PIK3CB: variants seen among roughly 807,000 people sequenced by gnomAD.
PIK3CB encodes the protein phosphatidylinositol-4,5-bisphosphate 3-kinase catalytic subunit beta.
A neutral mutation model predicts 136.8 loss-of-function variants in PIK3CB; 39 were observed. The ratio of observed to expected loss-of-function variants is 0.29; its 90% CI spans 0.22 to 0.37. The LOEUF (loss-of-function observed/expected upper bound fraction) is 0.37, where lower values mean the gene tolerates loss of function less well. Ranked by LOEUF, PIK3CB falls within the 10% of genes least tolerant of loss-of-function variation. PIK3CB has a pLI of 1.00. For missense variants in PIK3CB, 868 were observed against 1,275.4 expected (o/e 0.68, Z 4.87); for synonymous variants, 428 against 436.6 (o/e 0.98, Z 0.25).
At chr3:138,745,861 C>T (rs969138055) in intron 4 of PIK3CB, among the ~76,000 whole-genome samples, 4 of 152,170 alleles carry the variant, frequency 2.6e-5, no homozygotes, top group Non-Finnish European at 5.9e-5. Flanking sequence ...GTTAGCCTTC[C>T]TGTCTTAAAT....
chr3:138,684,916 A>C (rs2043852531), intron 16 of PIK3CB, 113 bp from the exon 17 acceptor site: 3 of 610,976 alleles, frequency 4.9e-6, no homozygotes, highest in Non-Finnish European at 8.1e-6. Flanking sequence ...AACCATAAAC[A>C]CACATAACCA....
At chr3:138,801,885 TAAA>T (rs1428289202) in intron 1 of PIK3CB, among the ~76,000 whole-genome samples, 56 of 111,228 alleles carry the variant, frequency 5.0e-4, no homozygotes, top group African/African-American at 1.8e-3. Context: ...AAAAAAAAGA[TAAA>T]GAAAAAAATT....
At chr3:138,809,601 T>A in intron 1 of PIK3CB, among the ~76,000 whole-genome samples, 1 of 83,966 alleles carries the variant, frequency 1.2e-5, no homozygotes. Flanking sequence ...AGCGAGACTT[T>A]GCCTCAAAAA....
chr3:138,712,363 G>T, intron 9 of PIK3CB, 59 bp from the exon 10 acceptor site: 1 of 678,116 alleles, frequency 1.5e-6, no homozygotes. Flanking sequence ...GTGTAAACAT[G>T]CACATGTCCT....
rs917919715 is a variant in PIK3CB, at chr3:138,834,271, G to A, written c.-122+424C>T. 3.9e-5 allele frequency among the ~76,000 whole-genome samples: 6 copies of A among 152,348 alleles called. No individual in the cohort carries two copies. In the East Asian group the frequency reaches 9.7e-4, roughly 25 times the overall value. ...CATGTCCATAACCTAATAACCCTGGGTCCACGCCTCTGAAATACACTTCTG... is the reference window on the plus strand; with the variant it reads ...CATGTCCATAACCTAATAACCCTGGATCCACGCCTCTGAAATACACTTCTG... On this transcript the variant is annotated intron_variant, in intron 1 of 23. Transcript: ENST00000674063.
intron 2 of PIK3CB, among the ~76,000 whole-genome samples, chr3:138,772,606 C>T (rs1464369341): frequency 6.6e-6 from 1 of 150,808 alleles, no homozygotes; most frequent in African/African-American, 2.4e-5. Flanking sequence ...TGTAAGCACA[C>T]ACCACCACAC....
chr3:138,737,551 T>C (rs2108653756), intron 6 of PIK3CB, among the ~76,000 whole-genome samples, 156 bp downstream of exon 6: 1 of 151,084 alleles, frequency 6.6e-6, no homozygotes. Context: ...CAGAGGTAAG[T>C]ACTATTATGA....
intron 1 of PIK3CB, among the ~76,000 whole-genome samples, chr3:138,806,679 C>A (rs1051523355): frequency 2.6e-5 from 4 of 152,136 alleles, no homozygotes; most frequent in African/African-American, 9.7e-5. Flanking sequence ...AAGAGACCAA[C>A]AGAATGTAAA....
intron 2 of PIK3CB, among the ~76,000 whole-genome samples, chr3:138,782,827 C>T (rs745599020): frequency 7.9e-5 from 12 of 152,278 alleles, no homozygotes; most frequent in East Asian, 5.8e-4. Flanking sequence ...AACTGTTCCA[C>T]GAGTGAGAAA....
At chr3:138,779,499 T>C (rs1244223100) in intron 2 of PIK3CB, among the ~76,000 whole-genome samples, 1 of 144,224 alleles carries the variant, frequency 6.9e-6, no homozygotes, top group African/African-American at 2.6e-5. Context: ...CAAGCAATCC[T>C]CCCACATCAA....
At chr3:138,816,670 T>C (rs566165068) in intron 1 of PIK3CB, among the ~76,000 whole-genome samples, 10 of 152,108 alleles carry the variant, frequency 6.6e-5, no homozygotes, top group African/African-American at 1.9e-4. Flanking sequence ...GGTGACAGTT[T>C]CACTGGAGAT....
intron 8 of PIK3CB, among the ~76,000 whole-genome samples, chr3:138,719,269 G>A (rs1172763186): frequency 9.3e-6 from 1 of 107,824 alleles, no homozygotes; most frequent in Non-Finnish European, 1.8e-5. Flanking sequence ...TTTTTGAGAT[G>A]AGGTCTCACT....
intron 19 of PIK3CB, among the ~76,000 whole-genome samples, chr3:138,677,538 T>G (rs1015978374): frequency 6.6e-6 from 1 of 152,174 alleles, no homozygotes; most frequent in Non-Finnish European, 1.5e-5. Context: ...ATATAAGTGG[T>G]AGAATTTATC....
chr3:138,675,626 C>T (rs1488506384), intron 19 of PIK3CB, among the ~76,000 whole-genome samples: 2 of 151,964 alleles, frequency 1.3e-5, no homozygotes, highest in Non-Finnish European at 2.9e-5. Flanking sequence ...CATGAGAAAC[C>T]AGGGAAGCCA....
intron 6 of PIK3CB, among the ~76,000 whole-genome samples, chr3:138,736,324 C>T (rs900541788): frequency 2.6e-5 from 4 of 152,180 alleles, no homozygotes; most frequent in African/African-American, 4.8e-5. Context: ...GAGGGCCACA[C>T]CAGAAACCTG....
chr3:138,800,227 T>C (rs1051476095), intron 1 of PIK3CB, among the ~76,000 whole-genome samples: 1 of 152,178 alleles, frequency 6.6e-6, no homozygotes, highest in African/African-American at 2.4e-5. Flanking sequence ...CCACATTACT[T>C]TATCATCTTT....
chr3:138,663,685 A>G (rs903358177), intron 21 of PIK3CB, among the ~76,000 whole-genome samples: 5 of 152,298 alleles, frequency 3.3e-5, no homozygotes, highest in Admixed American at 3.3e-4. Context: ...CACAGCCTTT[A>G]GTAATTTTTT....
chr3:138,817,379 G>C (rs1933383668), intron 1 of PIK3CB, among the ~76,000 whole-genome samples: 1 of 151,812 alleles, frequency 6.6e-6, no homozygotes, highest in South Asian at 2.1e-4. Flanking sequence ...AGCCGGGCCT[G>C]GTGGCGCATG....
At chr3:138,792,544 C>T (rs1004382607) in intron 2 of PIK3CB, among the ~76,000 whole-genome samples, 44 of 152,158 alleles carry the variant, frequency 2.9e-4, no homozygotes, top group African/African-American at 9.6e-4. Context: ...TGGCTAATTA[C>T]AAGTGTGGGC....
Sources: gnomAD v4.1 joint callset for allele counts (sites outside exome capture counted in the v4.1 genomes callset) on GRCh38, gnomAD v4.1.1 for gene constraint, MANE v1.5 for transcripts, NCBI Gene and HGNC (gene_info 2026-07-23, HGNC 2026-07-21) for gene names.